Variants in CSMD1 observed in about 807,000 individuals in gnomAD.
CSMD1 encodes CUB and sushi domain-containing protein 1.
Under a neutral mutation model 417.5 loss-of-function variants are expected in CSMD1, and 213 were observed. That is an observed-to-expected ratio of 0.51 (90% CI 0.46 to 0.57). The LOEUF (loss-of-function observed/expected upper bound fraction) is 0.57, where lower values mean the gene tolerates loss of function less well. Ranked by LOEUF, CSMD1 falls within the 20% of genes least tolerant of loss-of-function variation. The probability of loss-of-function intolerance (pLI) is 0.00; values close to 1 mark genes in which losing one functional copy is unlikely to be tolerated. For synonymous variants in CSMD1, 2,862 were observed against 1,736.8 expected, an observed-to-expected ratio of 1.65 and a Z score of -16.11; for missense variants, 6,923 against 4,529.7, an observed-to-expected ratio of 1.53 and a Z score of -15.17.
intron 6 of CSMD1, among the ~76,000 whole-genome samples, chr8:3,734,492 C>T (rs6558816): frequency 0.14 from 20,973 of 152,174 alleles, 1,621 homozygotes; most frequent in African/African-American, 0.21. Flanking sequence ...GGGTGGATCC[C>T]TTGACGTCAG....
chr8:4,620,080 G>A (rs996803246), intron 2 of CSMD1, among the ~76,000 whole-genome samples: 26 of 151,944 alleles, frequency 1.7e-4, no homozygotes, highest in African/African-American at 6.0e-4. Context: ...AATAAATACT[G>A]CTATAATACT....
At chr8:3,827,265 T>A (rs1269596503) in intron 5 of CSMD1, among the ~76,000 whole-genome samples, 1 of 152,184 alleles carries the variant, frequency 6.6e-6, no homozygotes, top group Non-Finnish European at 1.5e-5. Flanking sequence ...AGCACACATA[T>A]CCTTGCAATG....
intron 1 of CSMD1, among the ~76,000 whole-genome samples, chr8:4,731,563 T>C (rs1411714961): frequency 6.6e-6 from 1 of 152,220 alleles, no homozygotes; most frequent in Non-Finnish European, 1.5e-5. Context: ...TAAATACATG[T>C]TTATTGAATA....
chr8:3,100,098 C>G (rs1815622487), intron 46 of CSMD1, among the ~76,000 whole-genome samples: 1 of 152,118 alleles, frequency 6.6e-6, no homozygotes, highest in Non-Finnish European at 1.5e-5. Context: ...CCAAGCCAGG[C>G]TGGAGGGCAG....
chr8:4,685,233 G>T (rs73174017), intron 1 of CSMD1, among the ~76,000 whole-genome samples: 1 of 152,142 alleles, frequency 6.6e-6, no homozygotes, highest in Non-Finnish European at 1.5e-5. Context: ...CTGCATGGGA[G>T]AAAATAAACA....
intron 5 of CSMD1, among the ~76,000 whole-genome samples, chr8:3,969,596 T>A (rs1254130880): frequency 1.3e-5 from 2 of 152,158 alleles, no homozygotes; most frequent in African/African-American, 4.8e-5. Flanking sequence ...TTTCATTCCA[T>A]CGTAACTTGA....
chr8:3,646,746 G>T (rs1797593729), intron 7 of CSMD1, among the ~76,000 whole-genome samples: 1 of 152,068 alleles, frequency 6.6e-6, no homozygotes. Context: ...TCTGAGGCTG[G>T]AAAGAACGTT....
At chr8:3,213,781 G>GTA (rs988225777) in intron 30 of CSMD1, among the ~76,000 whole-genome samples, 6 of 150,342 alleles carry the variant, frequency 4.0e-5, no homozygotes, top group Admixed American at 1.3e-4. Context: ...GTGTGTGTAT[G>GTA]TATATATATG....
chr8:4,260,500 C>T lies in CSMD1; in HGVS notation c.415+159453G>A, dbSNP rs116065950. ...TCACCTGAAGTAAATACAAGGCAAACAATGTTAAAGAACACTAGTCAAATG... is the reference window on the plus strand; with the variant it reads ...TCACCTGAAGTAAATACAAGGCAAATAATGTTAAAGAACACTAGTCAAATG... On this transcript the variant is annotated intron_variant, in intron 3 of 69. Transcript: ENST00000635120. Among the ~76,000 whole-genome samples the T allele has an allele frequency of 4.0e-3, 609 of 152,180 alleles. 3 individuals carry two copies. The highest frequency in any genetic ancestry group is 0.014 in the African/African-American group (573 of 41,524).
In CSMD1 at chr8:4,387,570, C is replaced by CAAAAAAAAAAAAAAAAAAAAAAAAA. The variant is rs540419006; in HGVS notation, c.415+32382_415+32383insTTTTTTTTTTTTTTTTTTTTTTTTT. Among the ~76,000 whole-genome samples, 25 of 37,226 alleles carry CAAAAAAAAAAAAAAAAAAAAAAAAA rather than the reference C, an allele frequency of 6.7e-4. 6 individuals are homozygous for CAAAAAAAAAAAAAAAAAAAAAAAAA. The highest frequency in any genetic ancestry group is 1.0e-3 in the Non-Finnish European group (18 of 17,306). 24.4% of individuals were successfully genotyped at this position (37,226 alleles called of 152,430 possible). On this transcript the variant is annotated intron_variant, in intron 3 of 69. Coordinates refer to ENST00000635120, the MANE Select transcript of CSMD1 (RefSeq NM_033225.6). ...GAAGAGATGCATAAATCCAAACTGG[C>CAAAAAAAAAAAAAAAAAAAAAAAAA]AAAAAAAAAAAAAAAAAAAAAAGAG... is the stretch of plus-strand genomic sequence containing the variant.
At chr8:4,477,615 C>T (rs1250664131) in intron 2 of CSMD1, among the ~76,000 whole-genome samples, 1 of 152,054 alleles carries the variant, frequency 6.6e-6, no homozygotes, top group East Asian at 1.9e-4. Context: ...GACTTCTGCA[C>T]AGAGAAAGGC....
chr8:4,167,807 T>G (rs562471273), intron 3 of CSMD1, among the ~76,000 whole-genome samples: 1 of 152,070 alleles, frequency 6.6e-6, no homozygotes, highest in African/African-American at 2.4e-5. Context: ...CTGGGCAACA[T>G]ACTCAGACTC....
intron 3 of CSMD1, among the ~76,000 whole-genome samples, chr8:4,184,091 C>G (rs1201478957): frequency 2.0e-5 from 3 of 152,170 alleles, no homozygotes; most frequent in Non-Finnish European, 2.9e-5. Flanking sequence ...CCTCTGAAAA[C>G]TACATTTTAG....
chr8:3,084,425 A>C (rs1166447826), intron 49 of CSMD1, among the ~76,000 whole-genome samples: 3 of 150,866 alleles, frequency 2.0e-5, no homozygotes, highest in Middle Eastern at 6.8e-3. Flanking sequence ...TGGGAGGCTG[A>C]GGCAGGAGAA....
intron 26 of CSMD1, among the ~76,000 whole-genome samples, chr8:3,234,828 C>G (rs1213904903): frequency 6.6e-6 from 1 of 152,212 alleles, no homozygotes; most frequent in Admixed American, 6.5e-5. Context: ...CAAAGGGGTA[C>G]CCTTCCTGAA....
At chr8:3,460,401 T>C (rs1285279565) in intron 12 of CSMD1, among the ~76,000 whole-genome samples, 1 of 152,200 alleles carries the variant, frequency 6.6e-6, no homozygotes, top group Non-Finnish European at 1.5e-5. Flanking sequence ...CTTTACAGAA[T>C]ATTCTGTGGA....
At chr8:4,653,944 G>C (rs914056071) in intron 1 of CSMD1, among the ~76,000 whole-genome samples, 2 of 151,946 alleles carry the variant, frequency 1.3e-5, no homozygotes, top group Non-Finnish European at 2.9e-5. Context: ...TATCACAGAG[G>C]ATATTTTAGG....
At chr8:3,430,892 A>G (rs1814177062) in intron 12 of CSMD1, among the ~76,000 whole-genome samples, 1 of 152,216 alleles carries the variant, frequency 6.6e-6, no homozygotes, top group Admixed American at 6.5e-5. Flanking sequence ...CAGATAAAAT[A>G]ATTGAAGAAA....
chr8:3,338,888 G>A (rs895812051), intron 23 of CSMD1, among the ~76,000 whole-genome samples: 2 of 150,596 alleles, frequency 1.3e-5, no homozygotes, highest in African/African-American at 4.9e-5. Context: ...ACATTGTGCA[G>A]GTTAGTTACA....
Sources: allele counts gnomAD v4.1 joint callset (sites outside exome capture counted in the v4.1 genomes callset), GRCh38; gene constraint gnomAD v4.1.1; transcripts MANE v1.5; gene names NCBI Gene and HGNC (gene_info 2026-07-23, HGNC 2026-07-21).